SPTA1: variants seen among roughly 807,000 people sequenced by gnomAD.
SPTA1 encodes the protein spectrin alpha chain, erythrocytic 1.
SPTA1 carries 177 observed loss-of-function variants against 324.7 expected under a neutral mutation model. The ratio of observed to expected loss-of-function variants is 0.55; its 90% CI spans 0.48 to 0.62. The LOEUF is 0.62. SPTA1 is among the 20% of genes least tolerant of loss of function. The pLI is 0.00. For missense variants in SPTA1, 3,162 were observed against 2,883.6 expected (o/e 1.10, Z -2.21); for synonymous variants, 1,195 against 1,041.3 (o/e 1.15, Z -2.84).
chr1:158,662,229 T>A (rs1653270728), intron 17 of SPTA1, among the ~76,000 whole-genome samples: 1 of 152,220 alleles, frequency 6.6e-6, no homozygotes, highest in South Asian at 2.1e-4. Context: ...CCTTTTTCTC[T>A]GCCTCAGTAT....
In SPTA1 at chr1:158,614,282, C is replaced by A; in HGVS notation, c.6813G>T (p.Glu2271Asp). Residue 2271 changes from glutamate to aspartate, a missense_variant, in exon 49 of 52, where the codon GAG (glutamate) becomes GAT (aspartate). Transcript: ENST00000643759. ...AGATTGTGCTAAATTCCTTTAGAGT[C>A]TCTTCACTCACACCTTTGATGTCCC... is the stretch of plus-strand genomic sequence containing the variant. ...QAKDIKGVSEETLKEFSTIYK... is the reference protein window; with the variant it reads ...QAKDIKGVSEDTLKEFSTIYK... The A allele has an allele frequency of 1.9e-6, 3 of 1,592,150 alleles. No homozygotes were observed. Among genetic ancestry groups the A allele is most frequent in the East Asian group, 2.2e-5 (1 of 44,702 alleles).
Position 158,618,055 on chromosome 1 carries a change from C to A in SPTA1, c.6532G>T (p.Ala2178Ser). ...TFLQWILETR[A>S]YFLDGSLLKE... is the part of the protein sequence containing the mutation. ...AATACTGACCCATCCAGAAAGTAAGCCCTGGACATGGAGGTCCGGAACAGG... is the reference window on the plus strand; with the variant it reads ...AATACTGACCCATCCAGAAAGTAAGACCTGGACATGGAGGTCCGGAACAGG... Residue 2178 changes from alanine (A) to serine (S), a missense_variant and splice_region_variant, in exon 46 of 52, where the codon GCT (alanine) becomes TCT (serine). Ala to Ser is a moderately conservative substitution (Grantham distance 99, BLOSUM62 1). Coordinates refer to ENST00000643759, the MANE Select transcript of SPTA1 (RefSeq NM_003126.4). 1.2e-6 allele frequency: 2 copies of A among 1,611,602 alleles called. No homozygotes were observed. Among genetic ancestry groups the A allele is most frequent in the Non-Finnish European group, 1.7e-6 (2 of 1,177,720 alleles).
At chr1:158,653,901 C>T (rs1652641997) in intron 21 of SPTA1, among the ~76,000 whole-genome samples, 1 of 152,024 alleles carries the variant, frequency 6.6e-6, no homozygotes, top group African/African-American at 2.4e-5. Context: ...TGAACTGTTG[C>T]CACATCTACC....
chr1:158,669,321 A>G, intron 14 of SPTA1, 87 bp downstream of exon 14: 6 of 1,569,814 alleles, frequency 3.8e-6, no homozygotes, highest in Non-Finnish European at 5.2e-6. Context: ...CACCAGCTGA[A>G]CGCTAAAGTT....
rs761477356 is a variant in SPTA1, at chr1:158,614,245, A to T, written c.6842+8T>A. On this transcript the variant is annotated splice_region_variant and intron_variant, in intron 49 of 51. Coordinates refer to ENST00000643759, the MANE Select transcript of SPTA1 (RefSeq NM_003126.4). ...CAAAGAAGCAGTTAACTATGAAATT[A>T]TACTCACTTATAGATTGTGCTAAAT... 6.4e-7 allele frequency: 1 copy of T among 1,572,694 alleles called. No individual in the cohort carries two copies. The highest frequency in any genetic ancestry group is 1.1e-5 in the South Asian group (1 of 89,978).
At position 158,624,888 on chromosome 1, in the gene SPTA1, TC is replaced by T. The variant is rs1379870078; in HGVS notation, c.5910+1257del. 7.2e-5 allele frequency among the ~76,000 whole-genome samples: 11 copies of T among 152,322 alleles called. No homozygotes were observed. The East Asian group carries it at 2.1e-3, about 29-fold the overall frequency. ...TAGGAGCAGCCCTGGTTAAAGGGCT[TC>T]CATTGAAATGCCTGAAAGGCCACAG... On this transcript the variant is annotated intron_variant, in intron 42 of 51. Transcript: ENST00000643759.
At chr1:158,637,437 A>G (rs1253797553) in intron 36 of SPTA1, among the ~76,000 whole-genome samples, 2 of 152,236 alleles carry the variant, frequency 1.3e-5, no homozygotes, top group Admixed American at 1.3e-4. Context: ...AAAATAGTGT[A>G]ATGTGCTAAG....
rs987013534 is a variant in SPTA1 at position 158,634,402 on chromosome 1, T to C, written c.5565+141A>G. On this transcript the variant is annotated intron_variant, in intron 39 of 51. Transcript: ENST00000643759. ...TGCTTGGACTTTAATTTTTCGTATTTAAAACTGTCAGGATTATTCGTATTT... is the reference window on the plus strand; with the variant it reads ...TGCTTGGACTTTAATTTTTCGTATTCAAAACTGTCAGGATTATTCGTATTT... 9.2e-6 allele frequency: 12 copies of C among 1,304,560 alleles called. No individual in the cohort carries two copies. In the East Asian group the frequency reaches 2.8e-4, roughly 31 times the overall value. The allele number at this position is 1,304,560 out of a possible 1,614,324, so 80.8% of individuals were successfully genotyped here.
chr1:158,683,634 A>T, intron 2 of SPTA1, 138 bp from the exon 3 acceptor site: 1 of 1,132,570 alleles, frequency 8.8e-7, no homozygotes, highest in Non-Finnish European at 1.3e-6. Flanking sequence ...TCCTGTCCCC[A>T]CTGGCTTTAG....
intron 25 of SPTA1, 110 bp from the exon 26 acceptor site, chr1:158,648,763 C>G: frequency 1.8e-6 from 2 of 1,084,648 alleles, no homozygotes; most frequent in South Asian, 1.4e-5. Flanking sequence ...CTCCCACCCA[C>G]CCCCCCACCC....
At position 158,661,371 on chromosome 1, in the gene SPTA1, G is replaced by GCCT; in HGVS notation, c.2500_2502dup (p.Arg834dup). The GCCT allele has an allele frequency of 6.2e-7, 1 of 1,613,878 alleles. No individual in the cohort carries two copies. The highest frequency in any genetic ancestry group is 8.5e-7 in the Non-Finnish European group (1 of 1,179,882). On this transcript the variant is annotated inframe_insertion, in exon 18 of 52. Coordinates refer to ENST00000643759, the MANE Select transcript of SPTA1 (RefSeq NM_003126.4). The stretch of plus-strand genomic sequence containing the variant: ...GCAATGTTCTCCAGGATGACTCTAT[G>GCCT]CCTATTCAGAAGCTTTTTGGAAGCA...
Position 158,680,676 on chromosome 1 carries a change from A to G in SPTA1, c.585T>C (p.Val195=), listed in dbSNP as rs780614302. 5 of 1,613,926 alleles carry G rather than the reference A, an allele frequency of 3.1e-6. No individual in the cohort carries two copies. Among genetic ancestry groups the G allele is most frequent in the Non-Finnish European group, 4.2e-6 (5 of 1,179,876 alleles). ...ELGEDWERTE[V]LHKKFEDFQV... Reference sequence around the variant, plus strand: ...GGAAGTCTTCAAATTTCTTATGCAGAACTTCGGTGCGCTCCCAGTCTTCAC... The same window carrying G: ...GGAAGTCTTCAAATTTCTTATGCAGGACTTCGGTGCGCTCCCAGTCTTCAC... Residue 195 remains valine (V), a synonymous_variant, in exon 5 of 52, where the codon GTT becomes GTC. Transcript: ENST00000643759.
chr1:158,636,659 G>A lies in SPTA1; in HGVS notation c.5292C>T (p.Ala1764=), dbSNP rs3738791. The A allele has an allele frequency of 1.9e-6, 3 of 1,613,700 alleles. No homozygotes were observed. Among genetic ancestry groups the A allele is most frequent in the African/African-American group, 2.7e-5 (2 of 74,788 alleles). Residue 1764 remains alanine (A), a synonymous_variant, in exon 37 of 52, where the codon GCC becomes GCT. Transcript: ENST00000643759. ...KHKRLEGELV[A]HEPAIQNVLD... ...TTCCTACCTGGATGGCAGGCTCATGGGCCACCAGCTCCCCCTCTAGGCGTT... is the reference window on the plus strand; with the variant it reads ...TTCCTACCTGGATGGCAGGCTCATGAGCCACCAGCTCCCCCTCTAGGCGTT...
At chr1:158,640,745 A>G (rs1314736566) in intron 33 of SPTA1, among the ~76,000 whole-genome samples, 1 of 152,234 alleles carries the variant, frequency 6.6e-6, no homozygotes, top group East Asian at 1.9e-4. Context: ...AAGGTAATTT[A>G]TAGATTCAAG....
chr1:158,654,604 A>C lies in SPTA1; in HGVS notation c.3036+7T>G. The C allele has an allele frequency of 6.2e-7, 1 of 1,613,924 alleles. No individual in the cohort carries two copies. Among genetic ancestry groups the C allele is most frequent in the Non-Finnish European group, 8.5e-7 (1 of 1,179,968 alleles). ...TTTTTGATGGAAAGATTAGAAGGAA[A>C]AGTCACCTTATTGATGGAACTGAGC... On this transcript the variant is annotated splice_region_variant and intron_variant, in intron 21 of 51. Transcript: ENST00000643759.
intron 16 of SPTA1, among the ~76,000 whole-genome samples, chr1:158,665,740 C>T (rs1248420466): frequency 6.6e-6 from 1 of 152,068 alleles, no homozygotes; most frequent in Non-Finnish European, 1.5e-5. Context: ...TTTCAATTTT[C>T]CTTATTTTAA....
chr1:158,633,479 T>C (rs1650827070), intron 39 of SPTA1, among the ~76,000 whole-genome samples: 3 of 151,682 alleles, frequency 2.0e-5, no homozygotes, highest in African/African-American at 7.3e-5. Context: ...GCTAACATGG[T>C]GAAACCCCTT....
At chr1:158,641,659 A>C (rs1207276056) in intron 33 of SPTA1, among the ~76,000 whole-genome samples, 1 of 152,200 alleles carries the variant, frequency 6.6e-6, no homozygotes, top group Non-Finnish European at 1.5e-5. Context: ...GTCAGGAAAC[A>C]ACAGGTGCTG....
At chr1:158,670,921 G>C (rs1055447778) in intron 12 of SPTA1, among the ~76,000 whole-genome samples, 1 of 151,336 alleles carries the variant, frequency 6.6e-6, no homozygotes, top group African/African-American at 2.4e-5. Context: ...ATTCTATACT[G>C]AATAAGAATT....
Sources: allele counts gnomAD v4.1 joint callset (sites outside exome capture counted in the v4.1 genomes callset), GRCh38; gene constraint gnomAD v4.1.1; transcripts MANE v1.5; gene names NCBI Gene and HGNC (gene_info 2026-07-23, HGNC 2026-07-21).